Variants in KCND2 observed in about 807,000 individuals in gnomAD.
KCND2 encodes A-type voltage-gated potassium channel KCND2.
Under a neutral mutation model 54.4 loss-of-function variants are expected in KCND2, and 16 were observed. That is an observed-to-expected ratio of 0.29 (90% CI 0.20 to 0.45). The LOEUF (loss-of-function observed/expected upper bound fraction) is 0.45, where lower values mean the gene tolerates loss of function less well. KCND2 is among the 20% of genes least tolerant of loss of function. KCND2 has a pLI of 1.00. For missense variants in KCND2, 486 were observed against 824.2 expected (o/e 0.59, Z 5.02); for synonymous variants, 317 against 310.7 (o/e 1.02, Z -0.21).
rs1440465923 is a variant in KCND2 at position 120,622,713 on chromosome 7, TCTCACACACA to T, written c.1116-110188_1116-110179del. 5.9e-4 allele frequency among the ~76,000 whole-genome samples: 78 copies of T among 133,290 alleles called. 1 individual carries two copies. The highest frequency in any genetic ancestry group is 2.0e-3 in the African/African-American group (73 of 36,616). The allele number at this position is 133,290 out of a possible 152,430, so 87.4% of individuals were successfully genotyped here. On this transcript the variant is annotated intron_variant, in intron 1 of 5. Coordinates refer to ENST00000331113, the MANE Select transcript of KCND2 (RefSeq NM_012281.3). ...CACTCTCTCTCTCTCTCTCTCTCTC[TCTCACACACA>T]CACACACACACACAAACACATGCAC... is the stretch of plus-strand genomic sequence containing the variant.
chr7:120,595,885 G>A (rs7796086), intron 1 of KCND2, among the ~76,000 whole-genome samples: 1,599 of 151,682 alleles, frequency 0.011, 32 homozygotes, highest in African/African-American at 0.037. Flanking sequence ...GAAGGAAAGC[G>A]GAAAGGAGGG....
intron 1 of KCND2, among the ~76,000 whole-genome samples, chr7:120,542,898 C>T (rs1176159177): frequency 5.9e-5 from 9 of 152,054 alleles, no homozygotes; most frequent in Non-Finnish European, 1.3e-4. Context: ...GATAGCAGTC[C>T]AGCGAGGTAA....
chr7:120,385,130 C>G (rs1017157740), intron 1 of KCND2, among the ~76,000 whole-genome samples: 7 of 151,154 alleles, frequency 4.6e-5, no homozygotes, highest in Admixed American at 4.6e-4. Flanking sequence ...CCTCAGCCTC[C>G]CAAGTAGCTG....
At chr7:120,335,958 G>T (rs1245294670) in intron 1 of KCND2, among the ~76,000 whole-genome samples, 1 of 151,914 alleles carries the variant, frequency 6.6e-6, no homozygotes, top group Non-Finnish European at 1.5e-5. Context: ...TCAAACTTAG[G>T]AAAGAACAAA....
In KCND2 at chr7:120,750,069, A is replaced by T. The variant is rs1793053288; in HGVS notation, c.*2211A>T. On this transcript the variant is annotated 3_prime_UTR_variant, in exon 6 of 6. Coordinates refer to ENST00000331113, the MANE Select transcript of KCND2 (RefSeq NM_012281.3). ...TATTAGGCTTTTGGAAAAGAAAAAA[A>T]ACTTTTTGATGTTTTAGGTGATTTA... The T allele has an allele frequency of 6.6e-6, 1 of 152,160 alleles. No individual in the cohort carries two copies. The highest frequency in any genetic ancestry group is 2.1e-4 in the South Asian group (1 of 4,824). The allele number at this position is 152,160 out of a possible 1,614,324, so 9.4% of individuals were successfully genotyped here.
At chr7:120,361,078 A>G (rs1370599420) in intron 1 of KCND2, among the ~76,000 whole-genome samples, 1 of 152,068 alleles carries the variant, frequency 6.6e-6, no homozygotes, top group Non-Finnish European at 1.5e-5. Flanking sequence ...TGGCTTGTCA[A>G]TGTAGCTCTA....
intron 1 of KCND2, among the ~76,000 whole-genome samples, chr7:120,417,665 C>T (rs564099787): frequency 7.2e-5 from 11 of 152,182 alleles, no homozygotes; most frequent in East Asian, 1.9e-4. Context: ...GTTTGGTCCC[C>T]GAGGCAGGAA....
chr7:120,637,224 T>A (rs1037275886), intron 1 of KCND2, among the ~76,000 whole-genome samples: 1 of 152,126 alleles, frequency 6.6e-6, no homozygotes, highest in Non-Finnish European at 1.5e-5. Flanking sequence ...AGGAATATTT[T>A]TTCAAGATTT....
intron 1 of KCND2, among the ~76,000 whole-genome samples, chr7:120,549,704 T>A (rs1048522612): frequency 2.0e-5 from 3 of 152,174 alleles, no homozygotes; most frequent in African/African-American, 7.2e-5. Context: ...TGTTTTTCAG[T>A]TCATGCTGAG....
rs1387937958 is a variant in KCND2 at position 120,663,283 on chromosome 7, A to T, written c.1116-69620A>T. ...AGGTTATAGATGAGATTAGTTTATGATCAGTTGAGCAATCAGCAATAAAAA... is the reference window on the plus strand; with the variant it reads ...AGGTTATAGATGAGATTAGTTTATGTTCAGTTGAGCAATCAGCAATAAAAA... On this transcript the variant is annotated intron_variant, in intron 1 of 5. Coordinates refer to ENST00000331113, the MANE Select transcript of KCND2 (RefSeq NM_012281.3). Among the ~76,000 whole-genome samples the T allele has an allele frequency of 2.6e-5, 4 of 152,198 alleles. No individual in the cohort carries two copies. The East Asian group carries it at 7.7e-4, about 29-fold the overall frequency.
At chr7:120,665,040 C>T (rs1791908434) in intron 1 of KCND2, among the ~76,000 whole-genome samples, 1 of 152,018 alleles carries the variant, frequency 6.6e-6, no homozygotes, top group African/African-American at 2.4e-5. Context: ...ATGTGGTTTA[C>T]TTAACCAGAT....
intron 1 of KCND2, among the ~76,000 whole-genome samples, chr7:120,661,255 A>AT (rs149205980): frequency 0.11 from 16,904 of 152,134 alleles, 1,215 homozygotes; most frequent in Non-Finnish European, 0.14. Context: ...TTGAACTGTT[A>AT]TTTTTTTAAA....
chr7:120,303,576 A>T (rs1031040200), intron 1 of KCND2, among the ~76,000 whole-genome samples: 2 of 152,200 alleles, frequency 1.3e-5, no homozygotes, highest in Non-Finnish European at 2.9e-5. Context: ...CAAAATTTTT[A>T]CTTCAGCAGG....
chr7:120,369,869 A>AT (rs1487158340), intron 1 of KCND2, among the ~76,000 whole-genome samples: 5 of 152,060 alleles, frequency 3.3e-5, no homozygotes, highest in Non-Finnish European at 5.9e-5. Context: ...TAAAGCTTGC[A>AT]TTTTTGTGGC....
At chr7:120,504,463 T>C (rs913736539) in intron 1 of KCND2, among the ~76,000 whole-genome samples, 1 of 151,980 alleles carries the variant, frequency 6.6e-6, no homozygotes, top group African/African-American at 2.4e-5. Flanking sequence ...CTGCTTCTTA[T>C]TGTAAATACC....
chr7:120,397,903 T>C (rs1801177460), intron 1 of KCND2, among the ~76,000 whole-genome samples: 1 of 150,240 alleles, frequency 6.7e-6, no homozygotes, highest in African/African-American at 2.4e-5. Flanking sequence ...AAAAATTGAT[T>C]GCTGTTTCCA....
intron 2 of KCND2, among the ~76,000 whole-genome samples, chr7:120,736,861 A>G (rs1380947721): frequency 1.3e-5 from 2 of 151,850 alleles, no homozygotes; most frequent in Non-Finnish European, 2.9e-5. Context: ...GGATATTCCT[A>G]TAGATAATTC....
At chr7:120,330,607 A>G (rs893601654) in intron 1 of KCND2, among the ~76,000 whole-genome samples, 1 of 149,260 alleles carries the variant, frequency 6.7e-6, no homozygotes, top group Non-Finnish European at 1.5e-5. Flanking sequence ...AAAAAAAAAA[A>G]GTTAGCTAAC....
chr7:120,555,327 A>G (rs1254778307), intron 1 of KCND2, among the ~76,000 whole-genome samples: 2 of 152,136 alleles, frequency 1.3e-5, no homozygotes, highest in Admixed American at 6.5e-5. Context: ...CCTCCTTTGA[A>G]TATGGTTTTT....
Sources: allele counts gnomAD v4.1 joint callset (sites outside exome capture counted in the v4.1 genomes callset), GRCh38; gene constraint gnomAD v4.1.1; transcripts MANE v1.5; gene names NCBI Gene and HGNC (gene_info 2026-07-23, HGNC 2026-07-21).